Variants in TBC1D19 observed in about 807,000 individuals in gnomAD.
The protein encoded by TBC1D19 is TBC1 domain family, member 19.
Under a neutral mutation model 89.0 loss-of-function variants are expected in TBC1D19, and 60 were observed. The observed-to-expected ratio is 0.67, with a 90% CI of 0.55 to 0.84. TBC1D19 has a LOEUF of 0.84. TBC1D19 is among the 40% of genes least tolerant of loss of function. TBC1D19 has a pLI of 0.00. For synonymous variants in TBC1D19, 189 were observed against 199.7 expected (o/e 0.95, Z 0.45); for missense variants, 500 against 610.8 (o/e 0.82, Z 1.91).
At chr4:26,664,842 T>A (rs991056805) in intron 8 of TBC1D19, among the ~76,000 whole-genome samples, 11 of 152,138 alleles carry the variant, frequency 7.2e-5, no homozygotes, top group African/African-American at 2.7e-4. Context: ...TAGTGAGCCC[T>A]CTTTACTACC....
chr4:26,721,995 A>G (rs1308129705), intron 15 of TBC1D19, among the ~76,000 whole-genome samples: 1 of 152,078 alleles, frequency 6.6e-6, no homozygotes, highest in Non-Finnish European at 1.5e-5. Context: ...CTAGACTCCC[A>G]TAGTACCTGG....
At chr4:26,643,104 C>A (rs1436419723) in intron 7 of TBC1D19, among the ~76,000 whole-genome samples, 1 of 152,132 alleles carries the variant, frequency 6.6e-6, no homozygotes, top group Non-Finnish European at 1.5e-5. Context: ...AACCCTCCAC[C>A]CCAAATCAAC....
the TBC1D19 span, among the ~76,000 whole-genome samples, chr4:26,785,768 C>G: frequency 3.9e-5 from 6 of 152,148 alleles, no homozygotes; most frequent in African/African-American, 4.8e-5. Context: ...GGAACAGATT[C>G]AGTTTCAGAC....
At chr4:26,700,600 T>C (rs78442649) in intron 13 of TBC1D19, among the ~76,000 whole-genome samples, 2,319 of 152,306 alleles carry the variant, frequency 0.015, 54 homozygotes, top group African/African-American at 0.051. Context: ...TCCATAAAAG[T>C]ATTGATTACA....
intron 7 of TBC1D19, among the ~76,000 whole-genome samples, chr4:26,642,524 A>G (rs971808562): frequency 3.3e-5 from 5 of 152,222 alleles, no homozygotes; most frequent in African/African-American, 1.2e-4. Flanking sequence ...GCATCAACTA[A>G]TGAGCAAAAT....
intron 15 of TBC1D19, among the ~76,000 whole-genome samples, chr4:26,721,440 G>A (rs747442357): frequency 2.6e-5 from 4 of 151,146 alleles, no homozygotes; most frequent in Admixed American, 1.3e-4. Context: ...TTCCAAATAC[G>A]TCTGGAACCC....
In TBC1D19 at chr4:26,638,763, T is replaced by C; in HGVS notation, c.370-8T>C. On this transcript the variant is annotated splice_polypyrimidine_tract_variant and splice_region_variant and intron_variant, in intron 5 of 20. Transcript: ENST00000264866. ...AAATGAAACCAGTTTCAAAATTACC[T>C]TTTCCAGAGGCCAGTTGGAGAACAG... The C allele has an allele frequency of 6.2e-7, 1 of 1,602,554 alleles. No individual in the cohort carries two copies. The highest frequency in any genetic ancestry group is 2.2e-5 in the East Asian group (1 of 44,638).
chr4:26,677,925 C>G (rs1232435966), intron 11 of TBC1D19, among the ~76,000 whole-genome samples: 1 of 152,154 alleles, frequency 6.6e-6, no homozygotes, highest in African/African-American at 2.4e-5. Context: ...ATAAATTATC[C>G]AGTCTTGGGT....
chr4:26,777,463 G>A, the TBC1D19 span, among the ~76,000 whole-genome samples: 3 of 151,300 alleles, frequency 2.0e-5, no homozygotes, highest in Non-Finnish European at 4.4e-5. Flanking sequence ...TGTTTAGACA[G>A]AGTCTCTCTC....
the TBC1D19 span, among the ~76,000 whole-genome samples, chr4:26,813,916 C>T: frequency 6.6e-6 from 1 of 152,304 alleles, no homozygotes; most frequent in Admixed American, 6.5e-5. Context: ...CAGTGCCTGT[C>T]ACTGGCACCG....
Position 26,742,608 on chromosome 4 carries a change from T to G in TBC1D19, c.1319+9T>G. ...GAAATTGGGGCTCAACCGTGAGTAC[T>G]TTTCTCTCCTAATTGAAGAATAGAT... On this transcript the variant is annotated intron_variant, in intron 18 of 20. Transcript: ENST00000264866. 1 of 1,605,378 alleles carries G rather than the reference T, an allele frequency of 6.2e-7. No homozygotes were observed. The highest frequency in any genetic ancestry group is 8.5e-7 in the Non-Finnish European group (1 of 1,174,048).
chr4:26,760,799 A>G (rs1284910091), downstream of TBC1D19, among the ~76,000 whole-genome samples: 1 of 152,184 alleles, frequency 6.6e-6, no homozygotes, highest in Non-Finnish European at 1.5e-5. Context: ...TCTTTGCTTA[A>G]GTCAAAGTCA....
chr4:26,599,817 G>A (rs578140950), intron 1 of TBC1D19, among the ~76,000 whole-genome samples: 17 of 151,906 alleles, frequency 1.1e-4, no homozygotes, highest in Admixed American at 3.9e-4. Context: ...GTATGGTGGC[G>A]TGCATCTGTA....
At chr4:26,589,757 C>A (rs34951242) in intron 1 of TBC1D19, among the ~76,000 whole-genome samples, 46,331 of 152,048 alleles carry the variant, frequency 0.3, 8,640 homozygotes, top group Non-Finnish European at 0.42. Context: ...ATCTATCCCA[C>A]CCCCAAAAGC....
chr4:26,840,969 C>T, the TBC1D19 span, among the ~76,000 whole-genome samples: 2 of 152,166 alleles, frequency 1.3e-5, no homozygotes, highest in African/African-American at 2.4e-5. Flanking sequence ...CCCCCCAAGA[C>T]TGCCATTATC....
chr4:26,757,778 C>T (rs1244875775), downstream of TBC1D19, among the ~76,000 whole-genome samples: 2 of 152,174 alleles, frequency 1.3e-5, no homozygotes, highest in Non-Finnish European at 2.9e-5. Context: ...TATCTCCTTC[C>T]TTCTTGCATT....
intron 15 of TBC1D19, among the ~76,000 whole-genome samples, chr4:26,734,393 G>GCTTGCAACCTGTCTT (rs1242531607): frequency 2.0e-5 from 3 of 152,098 alleles, no homozygotes; most frequent in African/African-American, 7.2e-5. Context: ...TTTCTTCTGT[G>GCTTGCAACCTGTCTT]CTGTGTTTGC....
In TBC1D19 at chr4:26,593,957, A is replaced by G. The variant is rs536436692; in HGVS notation, c.99+9665A>G. ...CGATTCCTCAGGGATCTAGAACTAG[A>G]AATACCATTTGACCCAGCCATCCCA... On this transcript the variant is annotated intron_variant, in intron 1 of 20. Transcript: ENST00000264866. 6.5e-4 allele frequency among the ~76,000 whole-genome samples: 99 copies of G among 152,326 alleles called. 1 individual carries two copies. In the East Asian group the frequency reaches 0.018, roughly 28 times the overall value.
chr4:26,838,405 C>A, the TBC1D19 span, among the ~76,000 whole-genome samples: 3 of 152,142 alleles, frequency 2.0e-5, no homozygotes, highest in Non-Finnish European at 4.4e-5. Flanking sequence ...TTAAAGACAT[C>A]TAGCAGTTTA....
Sources: allele counts gnomAD v4.1 joint callset (sites outside exome capture counted in the v4.1 genomes callset), GRCh38; gene constraint gnomAD v4.1.1; transcripts MANE v1.5; gene names NCBI Gene and HGNC (gene_info 2026-07-23, HGNC 2026-07-21).